NRXN3: variants seen among roughly 807,000 people sequenced by gnomAD.
NRXN3 encodes neurexin III.
Under a neutral mutation model 137.6 loss-of-function variants are expected in NRXN3, and 32 were observed. The observed-to-expected ratio is 0.23, with a 90% CI of 0.18 to 0.31. The LOEUF is 0.31. Ranked by LOEUF, NRXN3 falls within the 10% of genes least tolerant of loss-of-function variation. NRXN3 has a pLI of 1.00. For missense variants in NRXN3, 1,574 were observed against 2,062.5 expected (o/e 0.76, Z 4.59); for synonymous variants, 798 against 784.5 (o/e 1.02, Z -0.29).
chr14:78,913,602 T>TA (rs769720728), intron 10 of NRXN3, among the ~76,000 whole-genome samples: 66 of 152,148 alleles, frequency 4.3e-4, no homozygotes, highest in Non-Finnish European at 7.2e-4. Flanking sequence ...AACAGCCTTC[T>TA]AATCACTAAA....
chr14:79,741,833 G>A (rs771143241), intron 19 of NRXN3, among the ~76,000 whole-genome samples: 1 of 149,008 alleles, frequency 6.7e-6, no homozygotes, highest in Non-Finnish European at 1.5e-5. Flanking sequence ...CACACACAGA[G>A]TATGTATACG....
chr14:78,591,320 C>T (rs181320710), intron 4 of NRXN3, among the ~76,000 whole-genome samples: 70 of 152,292 alleles, frequency 4.6e-4, no homozygotes, highest in African/African-American at 1.3e-3. Context: ...TTGAGCTACA[C>T]GTTCTGATTT....
chr14:78,264,870 C>T (rs568243483), intron 2 of NRXN3, among the ~76,000 whole-genome samples: 11 of 152,234 alleles, frequency 7.2e-5, no homozygotes, highest in African/African-American at 2.4e-4. Flanking sequence ...ATTCCTGTTG[C>T]GGGGGCTTCC....
At chr14:78,865,135 A>G (rs957744244) in intron 10 of NRXN3, among the ~76,000 whole-genome samples, 23 of 152,104 alleles carry the variant, frequency 1.5e-4, no homozygotes, top group Admixed American at 1.4e-3. Flanking sequence ...TAATGTCTCA[A>G]TTTGAAATGT....
chr14:78,937,056 A>G (rs911048354), intron 10 of NRXN3, among the ~76,000 whole-genome samples: 18 of 152,000 alleles, frequency 1.2e-4, no homozygotes, highest in Non-Finnish European at 2.1e-4. Flanking sequence ...CCCCGTCTTT[A>G]CTAAAAATAC....
chr14:79,702,151 T>G (rs1603441633), intron 19 of NRXN3, among the ~76,000 whole-genome samples: 3 of 152,046 alleles, frequency 2.0e-5, no homozygotes, highest in Admixed American at 2.0e-4. Flanking sequence ...AAAATTTCTA[T>G]GATCTCAGGA....
At chr14:79,819,731 C>T (rs1395259890) in intron 20 of NRXN3, among the ~76,000 whole-genome samples, 1 of 151,980 alleles carries the variant, frequency 6.6e-6, no homozygotes, top group African/African-American at 2.4e-5. Flanking sequence ...GATTTGCCCC[C>T]CTCGGCCTCC....
At chr14:79,509,543 G>A (rs2096912087) in intron 16 of NRXN3, among the ~76,000 whole-genome samples, 1 of 149,682 alleles carries the variant, frequency 6.7e-6, no homozygotes. Flanking sequence ...TTATATATAT[G>A]TGTGTGTGTG....
At chr14:79,252,158 G>A (rs1187097704) in intron 15 of NRXN3, among the ~76,000 whole-genome samples, 5 of 152,080 alleles carry the variant, frequency 3.3e-5, no homozygotes, top group East Asian at 3.9e-4. Context: ...ACATTCCGAC[G>A]GGTTAATCAG....
At chr14:78,334,470 C>T (rs1409221530) in intron 4 of NRXN3, among the ~76,000 whole-genome samples, 1 of 152,088 alleles carries the variant, frequency 6.6e-6, no homozygotes, top group Non-Finnish European at 1.5e-5. Context: ...ATTGTCTTCC[C>T]ATGGAAGACG....
intron 15 of NRXN3, among the ~76,000 whole-genome samples, chr14:79,085,714 C>T (rs73324705): frequency 0.043 from 6,487 of 151,742 alleles, 514 homozygotes; most frequent in African/African-American, 0.15. Flanking sequence ...AATTAGATGG[C>T]GAGAAGAAAC....
intron 15 of NRXN3, among the ~76,000 whole-genome samples, chr14:79,136,846 G>A (rs962983186): frequency 3.9e-5 from 6 of 152,154 alleles, no homozygotes; most frequent in African/African-American, 1.4e-4. Flanking sequence ...AAACTATAGA[G>A]CCTTGCTTCC....
chr14:78,704,528 C>T (rs957849753), intron 6 of NRXN3, among the ~76,000 whole-genome samples: 4 of 152,086 alleles, frequency 2.6e-5, no homozygotes, highest in Non-Finnish European at 5.9e-5. Flanking sequence ...ATGGATTGTG[C>T]AGGAGGGGAA....
intron 2 of NRXN3, among the ~76,000 whole-genome samples, chr14:78,254,885 GCAGTATTGAGTAGCTGCTC>G (rs1306341329): frequency 6.6e-6 from 1 of 151,766 alleles, no homozygotes; most frequent in East Asian, 1.9e-4. Context: ...ATGACATGAA[GCAGTATTGAGTAGCTGCTC>G]CTGGAGACAG....
At chr14:78,507,677 A>G (rs1344575028) in intron 4 of NRXN3, among the ~76,000 whole-genome samples, 1 of 152,188 alleles carries the variant, frequency 6.6e-6, no homozygotes, top group African/African-American at 2.4e-5. Context: ...ATCCTCTCGG[A>G]CTGTAATGAA....
intron 15 of NRXN3, among the ~76,000 whole-genome samples, chr14:79,286,664 G>A (rs574759819): frequency 8.6e-4 from 130 of 151,666 alleles, no homozygotes; most frequent in Middle Eastern, 3.4e-3. Flanking sequence ...CTCAAAATGC[G>A]TGCTGATGTT....
At chr14:79,666,445 A>G (rs2098557485) in intron 17 of NRXN3, among the ~76,000 whole-genome samples, 2 of 152,170 alleles carry the variant, frequency 1.3e-5, no homozygotes, top group South Asian at 4.1e-4. Flanking sequence ...TTGAGTACAG[A>G]TTTCTTCATT....
At chr14:79,637,312 A>G (rs1567739917) in intron 16 of NRXN3, among the ~76,000 whole-genome samples, 2 of 152,134 alleles carry the variant, frequency 1.3e-5, no homozygotes, top group Admixed American at 6.5e-5. Flanking sequence ...TGTTATTGTT[A>G]TTATTCTTAT....
chr14:78,760,875 A>T (rs377663214), intron 8 of NRXN3, among the ~76,000 whole-genome samples: 1 of 152,094 alleles, frequency 6.6e-6, no homozygotes, highest in Non-Finnish European at 1.5e-5. Flanking sequence ...TCATGAGGAG[A>T]TAGGAGGAAT....
Sources: allele counts gnomAD v4.1 joint callset (sites outside exome capture counted in the v4.1 genomes callset), GRCh38; gene constraint gnomAD v4.1.1; transcripts MANE v1.5; gene names NCBI Gene and HGNC (gene_info 2026-07-23, HGNC 2026-07-21).